DNMBP: variants seen among roughly 807,000 people sequenced by gnomAD.
DNMBP encodes the protein dynamin binding protein.
In DNMBP, 87 loss-of-function variants were observed where a neutral mutation model predicts 150.0. The ratio of observed to expected loss-of-function variants is 0.58; its 90% CI spans 0.49 to 0.69. DNMBP has a LOEUF of 0.69. Ranked by LOEUF, DNMBP falls within the 30% of genes least tolerant of loss-of-function variation. The pLI is 0.00. For missense variants in DNMBP, 1,774 were observed against 1,949.0 expected (o/e 0.91, Z 1.69); for synonymous variants, 711 against 750.4 (o/e 0.95, Z 0.86).
intron 3 of DNMBP, among the ~76,000 whole-genome samples, chr10:99,964,874 G>GAA (rs757761293): frequency 5.9e-4 from 80 of 134,872 alleles, no homozygotes; most frequent in East Asian, 1.5e-3. Context: ...CCAGCCCAAG[G>GAA]AAAAAAAAAA....
Position 99,964,883 on chromosome 10 carries a change from A to T in DNMBP, c.268+4232T>A, listed in dbSNP as rs4919403. ...GAGACTCCAGCCCAAGGAAAAAAAAAAAATATATATATATATATATATTTT... is the reference window on the plus strand; with the variant it reads ...GAGACTCCAGCCCAAGGAAAAAAAATAAATATATATATATATATATATTTT... On this transcript the variant is annotated intron_variant, in intron 3 of 16. Transcript: ENST00000324109. Among the ~76,000 whole-genome samples, 1,755 of 127,594 alleles carry T rather than the reference A, an allele frequency of 0.014. 82 individuals carry two copies. The East Asian group carries it at 0.16, about 12-fold the overall frequency. The allele number at this position is 127,594 out of a possible 152,430, so 83.7% of individuals were successfully genotyped here. A position where few individuals can be genotyped will look rare whatever the true frequency, so the allele number is the denominator to read the frequency against.
intron 11 of DNMBP, among the ~76,000 whole-genome samples, chr10:99,891,852 CT>C (rs2039569965): frequency 6.6e-6 from 1 of 151,616 alleles, no homozygotes; most frequent in Non-Finnish European, 1.5e-5. Context: ...AGGAGCGCCT[CT>C]GCCCGGCCAC....
intron 11 of DNMBP, among the ~76,000 whole-genome samples, chr10:99,892,761 AT>A (rs1272852555): frequency 1.3e-5 from 2 of 151,930 alleles, no homozygotes; most frequent in African/African-American, 4.8e-5. Flanking sequence ...CAATAAAAAA[AT>A]AAATTAAAAA....
intron 4 of DNMBP, among the ~76,000 whole-genome samples, chr10:99,923,644 T>G (rs1390999713): frequency 6.6e-6 from 1 of 152,134 alleles, no homozygotes; most frequent in Non-Finnish European, 1.5e-5. Context: ...AAACTCCTAC[T>G]GGCGTCTAAG....
At chr10:99,935,069 GGTGAGACCCT>G (rs904508232) in intron 4 of DNMBP, among the ~76,000 whole-genome samples, 4 of 116,414 alleles carry the variant, frequency 3.4e-5, no homozygotes, top group African/African-American at 1.4e-4. Context: ...TTGGTGATAG[GGTGAGACCCT>G]GTCTCCACAA....
rs2039472857 is a variant in DNMBP, at chr10:99,886,715, T to C, written c.3286-83A>G. 3 of 1,335,262 alleles carry C rather than the reference T, an allele frequency of 2.2e-6. No homozygotes were observed. The Admixed American group carries it at 6.0e-5, about 27-fold the overall frequency. The allele number at this position is 1,335,262 out of a possible 1,614,324, so 82.7% of individuals were successfully genotyped here. On this transcript the variant is annotated intron_variant, in intron 12 of 16. Transcript: ENST00000324109. ...TCCAAGTCACTCTTAAGGCTGACTT[T>C]GTTGTGTCCTGAACCACCTACTTCG...
At chr10:99,887,624 T>C (rs1029850229) in intron 12 of DNMBP, among the ~76,000 whole-genome samples, 36 of 152,130 alleles carry the variant, frequency 2.4e-4, no homozygotes, top group Non-Finnish European at 1.8e-4. Flanking sequence ...AGGTACTTAG[T>C]AGTACTTAGT....
chr10:99,901,396 T>C (rs893247757), intron 6 of DNMBP, among the ~76,000 whole-genome samples: 12 of 152,198 alleles, frequency 7.9e-5, no homozygotes, highest in South Asian at 2.1e-4. Context: ...GACAGAAACA[T>C]GTGACTTCTG....
rs1169634741 is a variant in DNMBP, at chr10:99,985,747, A to G, written c.-10-13613T>C. The stretch of plus-strand genomic sequence containing the variant: ...ACAAGACAACACGAAGGCTAAATGA[A>G]TAATTTCTTCTCTTTGTATGAAAGG... On this transcript the variant is annotated intron_variant, in intron 1 of 16. Transcript: ENST00000324109. Among the ~76,000 whole-genome samples the G allele has an allele frequency of 2.0e-5, 3 of 152,292 alleles. No homozygotes were observed. In the East Asian group the frequency reaches 5.8e-4, roughly 29 times the overall value.
chr10:99,987,965 G>A (rs1192415262), intron 1 of DNMBP, among the ~76,000 whole-genome samples: 1 of 152,104 alleles, frequency 6.6e-6, no homozygotes, highest in African/African-American at 2.4e-5. Flanking sequence ...ACAGACTTTT[G>A]CGGGGCCATC....
At chr10:99,929,972 T>G (rs1464089409) in intron 4 of DNMBP, 1 of 702,866 alleles carries the variant, frequency 1.4e-6, no homozygotes, top group Non-Finnish European at 2.6e-6. Flanking sequence ...AGCCTTTATT[T>G]TCTGTATCAA....
At chr10:99,900,199 T>A in intron 6 of DNMBP, 133 bp from the exon 7 acceptor site, 1 of 851,324 alleles carries the variant, frequency 1.2e-6, no homozygotes. Context: ...AGACTATCCA[T>A]CAAATAGTAA....
At chr10:100,007,802 C>CT (rs1383125277) in intron 1 of DNMBP, among the ~76,000 whole-genome samples, 1 of 152,232 alleles carries the variant, frequency 6.6e-6, no homozygotes, top group Admixed American at 6.5e-5. Flanking sequence ...AGGCAAGAAA[C>CT]TAATAACTCA....
chr10:99,910,189 C>T (rs61872242), intron 4 of DNMBP, among the ~76,000 whole-genome samples: 4,591 of 152,328 alleles, frequency 0.03, 77 homozygotes, highest in South Asian at 0.079. Flanking sequence ...TAAGGAAAGT[C>T]GGCCTTCACA....
chr10:99,935,106 A>AG lies in DNMBP; in HGVS notation c.2260+20107_2260+20108insC, dbSNP rs1288385918. On this transcript the variant is annotated intron_variant, in intron 4 of 16. Transcript: ENST00000324109. Reference sequence around the variant, plus strand: ...TCTCCACAAAAAAAAAAAAAAAAAAAAAAAAAAGAAAAGAAAAAGGGAAGA... The same window carrying AG: ...TCTCCACAAAAAAAAAAAAAAAAAAAGAAAAAAAGAAAAGAAAAAGGGAAGA... Among the ~76,000 whole-genome samples, 26 of 149,196 alleles carry AG rather than the reference A, an allele frequency of 1.7e-4. 1 individual carries two copies. The South Asian group carries it at 2.6e-3, about 15-fold the overall frequency.
At chr10:99,915,450 T>C (rs912528752) in intron 4 of DNMBP, among the ~76,000 whole-genome samples, 2 of 150,340 alleles carry the variant, frequency 1.3e-5, no homozygotes, top group Non-Finnish European at 3.0e-5. Context: ...CTCATGACTA[T>C]AATTCCAGCA....
chr10:99,879,663 A>G, intron 16 of DNMBP, 148 bp downstream of exon 16: 3 of 1,403,208 alleles, frequency 2.1e-6, no homozygotes, highest in Non-Finnish European at 2.8e-6. Context: ...GATGGCAGAG[A>G]TTCCTTGTGT....
intron 4 of DNMBP, among the ~76,000 whole-genome samples, chr10:99,926,351 C>G (rs1208343687): frequency 1.3e-5 from 2 of 152,202 alleles, no homozygotes; most frequent in South Asian, 2.1e-4. Context: ...GTGGCATCAT[C>G]ATAGCTCACT....
chr10:99,988,200 T>C (rs1277554650), intron 1 of DNMBP, among the ~76,000 whole-genome samples: 1 of 152,238 alleles, frequency 6.6e-6, no homozygotes, highest in African/African-American at 2.4e-5. Flanking sequence ...AACCTTGCAT[T>C]CCTGGGATAA....
Sources: allele counts gnomAD v4.1 joint callset (sites outside exome capture counted in the v4.1 genomes callset), GRCh38; gene constraint gnomAD v4.1.1; transcripts MANE v1.5; gene names NCBI Gene and HGNC (gene_info 2026-07-23, HGNC 2026-07-21).